Variants in OSER1 observed in about 807,000 individuals in gnomAD.
The protein encoded by OSER1 is oxidative stress-responsive serine-rich protein 1.
OSER1 carries 15 observed loss-of-function variants against 26.3 expected under a neutral mutation model. The observed-to-expected ratio is 0.57, with a 90% CI of 0.38 to 0.88. The LOEUF (loss-of-function observed/expected upper bound fraction) is 0.88, where lower values mean the gene tolerates loss of function less well. OSER1 is among the 40% of genes least tolerant of loss of function. The probability of loss-of-function intolerance (pLI) is 0.00; values close to 1 mark genes in which losing one functional copy is unlikely to be tolerated. For missense variants in OSER1, 313 were observed against 353.9 expected (o/e 0.88, Z 0.93); for synonymous variants, 127 against 128.2 (o/e 0.99, Z 0.07).
chr20:44,204,151 T>A (rs979700865), intron 2 of OSER1, among the ~76,000 whole-genome samples: 1 of 152,252 alleles, frequency 6.6e-6, no homozygotes, highest in Non-Finnish European at 1.5e-5. Flanking sequence ...ATAATAAGCA[T>A]GTATTATGTT....
At chr20:44,204,518 A>G (rs1028963660) in intron 2 of OSER1, among the ~76,000 whole-genome samples, 3 of 152,192 alleles carry the variant, frequency 2.0e-5, no homozygotes, top group African/African-American at 7.2e-5. Flanking sequence ...CTACAAATAT[A>G]TAATTTTTTT....
intron 2 of OSER1, 120 bp from the exon 3 acceptor site, chr20:44,203,194 A>T: frequency 1.8e-6 from 1 of 551,474 alleles, no homozygotes; most frequent in Non-Finnish European, 3.2e-6. Context: ...TGGGTTTCTC[A>T]AAAATTGCTC....
chr20:44,209,303 G>A (rs1378863596), intron 1 of OSER1, among the ~76,000 whole-genome samples: 1 of 152,106 alleles, frequency 6.6e-6, no homozygotes, highest in Non-Finnish European at 1.5e-5. Context: ...CAGACTTCCA[G>A]CATTTTTTTA....
upstream of OSER1, chr20:44,211,010 T>G (rs1195912544): frequency 1.3e-5 from 2 of 152,358 alleles, no homozygotes; most frequent in Non-Finnish European, 2.9e-5. Flanking sequence ...TCGGTTTGCC[T>G]CCTCCCAGTG....
In OSER1 at chr20:44,197,150, C is replaced by G; in HGVS notation, c.781G>C (p.Val261Leu). Reference sequence around the variant, plus strand: ...AGGTCCTCAATGGTCACATCATCCACGAAGACTCGAGCTTGCTCAGAACAG... The same window carrying G: ...AGGTCCTCAATGGTCACATCATCCAGGAAGACTCGAGCTTGCTCAGAACAG... ...RSCSEQARVFVDDVTIEDLSG... is the reference protein window; with the variant it reads ...RSCSEQARVFLDDVTIEDLSG... Residue 261 changes from valine to leucine, a missense_variant, in exon 4 of 4, where the codon GTG (valine) becomes CTG (leucine). Coordinates refer to ENST00000255174, the MANE Select transcript of OSER1 (RefSeq NM_016470.8). 1 of 1,614,054 alleles carries G rather than the reference C, an allele frequency of 6.2e-7. No homozygotes were observed. Among genetic ancestry groups the G allele is most frequent in the Non-Finnish European group, 8.5e-7 (1 of 1,179,886 alleles).
At chr20:44,199,499 A>G (rs1005604784) in intron 3 of OSER1, among the ~76,000 whole-genome samples, 1 of 152,206 alleles carries the variant, frequency 6.6e-6, no homozygotes, top group Non-Finnish European at 1.5e-5. Context: ...ACCCAGTCTC[A>G]GGTATTCAGT....
In OSER1 at chr20:44,197,757, T is replaced by A; in HGVS notation, c.192-18A>T. 1 of 1,541,438 alleles carries A rather than the reference T, an allele frequency of 6.5e-7. No homozygotes were observed. The highest frequency in any genetic ancestry group is 8.9e-7 in the Non-Finnish European group (1 of 1,120,452). The stretch of plus-strand genomic sequence containing the variant: ...TTGTAGACCTAAAGAGGAAAAAAAA[T>A]ATACAAGAAGATGTTGGGATATGGA... On this transcript the variant is annotated intron_variant, in intron 3 of 3. Transcript: ENST00000255174.
At position 44,206,634 on chromosome 20, in the gene OSER1, A is replaced by C. The variant is rs563085707; in HGVS notation, c.77+247T>G. Among the ~76,000 whole-genome samples, 13 of 152,362 alleles carry C rather than the reference A, an allele frequency of 8.5e-5. No homozygotes were observed. In the South Asian group the frequency reaches 2.7e-3, roughly 32 times the overall value. On this transcript the variant is annotated intron_variant, in intron 2 of 3. Transcript: ENST00000255174. ...GAAGTGGGGGGGAAGCCCTCCTCAA[A>C]GTGAACGAAACCAAAACACCCAACC... is the stretch of plus-strand genomic sequence containing the variant.
intron 2 of OSER1, among the ~76,000 whole-genome samples, chr20:44,205,036 T>C (rs1411411017): frequency 6.6e-6 from 1 of 152,108 alleles, no homozygotes; most frequent in Non-Finnish European, 1.5e-5. Flanking sequence ...GGTTTCACCA[T>C]GTTGCCGAGG....
intron 2 of OSER1, among the ~76,000 whole-genome samples, chr20:44,205,651 A>C (rs2073030032): frequency 6.6e-6 from 1 of 152,142 alleles, no homozygotes; most frequent in Non-Finnish European, 1.5e-5. Context: ...TTAAGAGCAG[A>C]GGTTCTGGGC....
At chr20:44,199,226 G>A (rs1034343428) in intron 3 of OSER1, among the ~76,000 whole-genome samples, 1 of 152,146 alleles carries the variant, frequency 6.6e-6, no homozygotes, top group Non-Finnish European at 1.5e-5. Flanking sequence ...GGGGGTGATT[G>A]GGTCACAAAA....
chr20:44,200,065 CCT>C (rs930811804), intron 3 of OSER1, among the ~76,000 whole-genome samples: 7 of 152,218 alleles, frequency 4.6e-5, no homozygotes, highest in Non-Finnish European at 7.3e-5. Context: ...GGGATCCTCC[CCT>C]GTCCCTATTC....
At chr20:44,201,215 A>G (rs928558624) in intron 3 of OSER1, among the ~76,000 whole-genome samples, 13 of 152,182 alleles carry the variant, frequency 8.5e-5, no homozygotes, top group Admixed American at 2.6e-4. Context: ...TACTCTAGAG[A>G]TGGTTTAAAG....
intron 1 of OSER1, among the ~76,000 whole-genome samples, chr20:44,208,395 A>C (rs1457345686): frequency 2.0e-5 from 3 of 150,038 alleles, no homozygotes; most frequent in Non-Finnish European, 2.9e-5. Flanking sequence ...GGGAACACTG[A>C]AAACAGTCTC....
At chr20:44,198,709 G>C (rs908204466) in intron 3 of OSER1, among the ~76,000 whole-genome samples, 4 of 152,100 alleles carry the variant, frequency 2.6e-5, no homozygotes, top group Admixed American at 6.6e-5. Context: ...AAGTGAATTA[G>C]AGACAAGAAC....
rs1301096455 is a variant in OSER1, at chr20:44,197,890, T to C, written c.192-151A>G. On this transcript the variant is annotated intron_variant, in intron 3 of 3. Coordinates refer to ENST00000255174, the MANE Select transcript of OSER1 (RefSeq NM_016470.8). ...AGAGATGCACCTTCCTCCATTTTCA[T>C]GCTGCCTAAGTCTTTGTGTCTCAAC... 12 of 601,838 alleles carry C rather than the reference T, an allele frequency of 2.0e-5. No homozygotes were observed. The East Asian group carries it at 3.3e-4, about 17-fold the overall frequency. The allele number at this position is 601,838 out of a possible 1,614,324, so 37.3% of individuals were successfully genotyped here.
chr20:44,206,103 G>A (rs1010171669), intron 2 of OSER1, among the ~76,000 whole-genome samples: 3 of 152,136 alleles, frequency 2.0e-5, no homozygotes, highest in South Asian at 2.1e-4. Flanking sequence ...ATGTCCTAAG[G>A]TGTAGTGAGA....
At position 44,200,968 on chromosome 20, in the gene OSER1, A is replaced by G. The variant is rs1477257075; in HGVS notation, c.191+1993T>C. 5.3e-5 allele frequency among the ~76,000 whole-genome samples: 8 copies of G among 152,258 alleles called. No homozygotes were observed. In the East Asian group the frequency reaches 5.8e-4, roughly 11 times the overall value. On this transcript the variant is annotated intron_variant, in intron 3 of 3. Coordinates refer to ENST00000255174, the MANE Select transcript of OSER1 (RefSeq NM_016470.8). ...TCAATCTAGAAATATAATGTCAACT[A>G]TATCAACTCTATCTTTCAAAACCAA...
At chr20:44,210,096 C>G (rs1401793495) in intron 1 of OSER1, 4 of 152,374 alleles carry the variant, frequency 2.6e-5, no homozygotes, top group African/African-American at 9.7e-5. Flanking sequence ...AGAGTCTGTG[C>G]CTGTCGCGGT....
Sources: gnomAD v4.1 joint callset for allele counts (sites outside exome capture counted in the v4.1 genomes callset) on GRCh38, gnomAD v4.1.1 for gene constraint, MANE v1.5 for transcripts, NCBI Gene and HGNC (gene_info 2026-07-23, HGNC 2026-07-21) for gene names.